Variants in EDNRB observed in about 807,000 individuals in gnomAD.
EDNRB encodes Hirschsprung disease 2.
In EDNRB, 18 loss-of-function variants were observed where a neutral mutation model predicts 46.4. That is an observed-to-expected ratio of 0.39 (90% CI 0.27 to 0.57). EDNRB has a LOEUF of 0.57. Ranked by LOEUF, EDNRB falls within the 20% of genes least tolerant of loss-of-function variation. The probability of loss-of-function intolerance (pLI) is 0.61; values close to 1 mark genes in which losing one functional copy is unlikely to be tolerated. For synonymous variants in EDNRB, 213 were observed against 204.9 expected (o/e 1.04, Z -0.34); for missense variants, 434 against 537.5 (o/e 0.81, Z 1.90).
At chr13:77,919,081 G>C, upstream of EDNRB, 2 of 491,726 alleles carry the variant, frequency 4.1e-6, no homozygotes, top group Non-Finnish European at 6.5e-6. Context: ...GATTGAACTC[G>C]AAAGACTCCT....
At chr13:77,907,021 C>CA (rs1404836733) in intron 1 of EDNRB, among the ~76,000 whole-genome samples, 1 of 151,854 alleles carries the variant, frequency 6.6e-6, no homozygotes, top group Middle Eastern at 3.2e-3. Context: ...AGAATTAAAT[C>CA]AAATTTTTTT....
chr13:77,941,926 G>A lies in EDNRB; in HGVS notation c.-51-23302C>T, dbSNP rs150382164. ...TAAACATCAGTGCAGAGAGATGGAA[G>A]AATAGAAGGCTTTGTCAGTATTATG... On this transcript the variant is annotated intron_variant, in intron 1 of 7. Coordinates refer to the EDNRB transcript ENST00000646948. Among the ~76,000 whole-genome samples the A allele has an allele frequency of 2.6e-5, 4 of 152,312 alleles. No individual in the cohort carries two copies. The East Asian group carries it at 7.7e-4, about 29-fold the overall frequency.
At position 77,898,241 on chromosome 13, in the gene EDNRB, A is replaced by G. The variant is rs568662694; in HGVS notation, c.1288T>C (p.Tyr430His). The change falls in exon 7 of 7, where the codon TAT becomes CAT. Residue 430 changes from tyrosine (Y) to histidine (H), a missense_variant. Tyr to His is a moderately conservative substitution (Grantham distance 83). Coordinates refer to ENST00000646607, the MANE Select transcript of EDNRB (RefSeq NM_001122659.3). ...TTATTACTGGAACGGAAGTTGTCATATCCGTGATCATTAGCTTTGAACTTT... is the reference window on the plus strand; with the variant it reads ...TTATTACTGGAACGGAAGTTGTCATGTCCGTGATCATTAGCTTTGAACTTT... ...CLKFKANDHG[Y>H]DNFRSSNKYS... is the part of the protein sequence containing the mutation. The G allele has an allele frequency of 1.2e-6, 2 of 1,612,078 alleles. No homozygotes were observed. The highest frequency in any genetic ancestry group is 2.2e-5 in the South Asian group (2 of 91,056).
chr13:77,902,825 G>A (rs1188013150), intron 3 of EDNRB, among the ~76,000 whole-genome samples: 1 of 151,924 alleles, frequency 6.6e-6, no homozygotes, highest in African/African-American at 2.4e-5. Flanking sequence ...GAAAACTTTT[G>A]CCTGAGTGCT....
intron 1 of EDNRB, among the ~76,000 whole-genome samples, chr13:77,971,589 T>G (rs1475153277): frequency 6.6e-6 from 1 of 152,028 alleles, no homozygotes; most frequent in Admixed American, 6.5e-5. Flanking sequence ...ATGAGTTTTT[T>G]TTTTTTTTTT....
intron 1 of EDNRB, among the ~76,000 whole-genome samples, chr13:77,928,084 T>C (rs1244390942): frequency 2.0e-5 from 3 of 152,214 alleles, no homozygotes; most frequent in Non-Finnish European, 4.4e-5. Flanking sequence ...ACCTCTTTAC[T>C]TTATAAATTA....
chr13:77,923,907 T>C (rs141043181), upstream of EDNRB, among the ~76,000 whole-genome samples: 68 of 152,300 alleles, frequency 4.5e-4, 1 homozygote, highest in East Asian at 0.012. Flanking sequence ...CAACTGTACT[T>C]AATCAATGAG....
chr13:77,915,930 AGG>A (rs1233742790), intron 1 of EDNRB, among the ~76,000 whole-genome samples: 1 of 152,246 alleles, frequency 6.6e-6, no homozygotes, highest in Non-Finnish European at 1.5e-5. Flanking sequence ...TTGAAATGAA[AGG>A]GAAACTGTAT....
intron 1 of EDNRB, among the ~76,000 whole-genome samples, chr13:77,929,464 A>G (rs954980998): frequency 6.6e-6 from 1 of 152,158 alleles, no homozygotes; most frequent in Non-Finnish European, 1.5e-5. Flanking sequence ...TATTTTCCTA[A>G]GAGAACATTA....
intron 1 of EDNRB, among the ~76,000 whole-genome samples, chr13:77,964,475 G>A (rs983165274): frequency 1.3e-5 from 2 of 152,158 alleles, no homozygotes; most frequent in African/African-American, 2.4e-5. Flanking sequence ...CATGTCCTTT[G>A]TTGAGACATG....
intron 4 of EDNRB, 43 bp downstream of exon 4, chr13:77,901,015 T>C: frequency 1.2e-6 from 2 of 1,601,372 alleles, no homozygotes; most frequent in Non-Finnish European, 1.7e-6. Flanking sequence ...TATTCATAAT[T>C]ATAAATTCAA....
chr13:77,917,395 C>T (rs759006124), intron 1 of EDNRB, among the ~76,000 whole-genome samples: 3 of 152,210 alleles, frequency 2.0e-5, no homozygotes, highest in Admixed American at 6.5e-5. Flanking sequence ...TTTTCCTACT[C>T]ACCAGTCTGG....
chr13:77,947,310 A>G (rs932311357), intron 1 of EDNRB, among the ~76,000 whole-genome samples: 2 of 94,782 alleles, frequency 2.1e-5, no homozygotes, highest in Non-Finnish European at 2.3e-5. Context: ...TTTTTTTTCT[A>G]TTTTTAGTAG....
intron 1 of EDNRB, among the ~76,000 whole-genome samples, chr13:77,926,193 A>G (rs1880231885): frequency 6.6e-6 from 1 of 152,206 alleles, no homozygotes; most frequent in South Asian, 2.1e-4. Context: ...TGGGATTAAC[A>G]TTAGGATCCT....
intron 1 of EDNRB, among the ~76,000 whole-genome samples, chr13:77,968,663 G>A (rs561029263): frequency 2.1e-4 from 32 of 152,026 alleles, no homozygotes; most frequent in African/African-American, 7.5e-4. Context: ...CATGTGCTAC[G>A]GATGAGGGGT....
chr13:77,897,102 T>A lies in EDNRB; in HGVS notation c.*1098A>T, dbSNP rs1315730057. 7.1e-6 allele frequency: 7 copies of A among 985,820 alleles called. No individual in the cohort carries two copies. The highest frequency in any genetic ancestry group is 6.0e-6 in the Non-Finnish European group (5 of 830,284). The allele number at this position is 985,820 out of a possible 1,614,324, so 61.1% of individuals were successfully genotyped here. ...GCTAGAAACCATTTTAACCACAGCA[T>A]GGGTGAGAGAGGGTGCTACCTGCCC... On this transcript the variant is annotated 3_prime_UTR_variant, in exon 7 of 7. Coordinates refer to ENST00000646607, the MANE Select transcript of EDNRB (RefSeq NM_001122659.3).
At chr13:77,921,258 T>TTTA (rs1880079356), upstream of EDNRB, among the ~76,000 whole-genome samples, 1 of 152,210 alleles carries the variant, frequency 6.6e-6, no homozygotes, top group African/African-American at 2.4e-5. Context: ...TTTAAAGTAT[T>TTTA]CAGTTATACT....
chr13:77,972,089 A>G (rs2137696783), intron 1 of EDNRB, among the ~76,000 whole-genome samples: 1 of 152,336 alleles, frequency 6.6e-6, no homozygotes, highest in African/African-American at 2.4e-5. Flanking sequence ...TGGGAAGCGG[A>G]AGCTGGATGG....
At chr13:77,962,725 CCT>C (rs1881462351) in intron 1 of EDNRB, among the ~76,000 whole-genome samples, 1 of 152,114 alleles carries the variant, frequency 6.6e-6, no homozygotes, top group South Asian at 2.1e-4. Context: ...AAAGGGATGC[CCT>C]CTCTCACCAC....
Sources: gnomAD v4.1 joint callset for allele counts (sites outside exome capture counted in the v4.1 genomes callset) on GRCh38, gnomAD v4.1.1 for gene constraint, MANE v1.5 for transcripts, NCBI Gene and HGNC (gene_info 2026-07-23, HGNC 2026-07-21) for gene names.